The following ST3GAL1 variants were observed in gnomAD, a reference collection of about 807,000 sequenced individuals.
ST3GAL1 encodes the protein ST3 beta-galactoside alpha-2,3-sialyltransferase 1, also known as CMP-N-acetylneuraminate-beta-galactosamide-alpha-2,3-sialyltransferase 1.
A neutral mutation model predicts 34.1 loss-of-function variants in ST3GAL1; 16 were observed. The observed-to-expected ratio is 0.47, with a 90% CI of 0.32 to 0.71. The LOEUF (loss-of-function observed/expected upper bound fraction) is 0.71. Ranked by LOEUF, ST3GAL1 falls within the 30% of genes least tolerant of loss-of-function variation. The pLI, the probability that ST3GAL1 is intolerant of heterozygous loss-of-function variation, is 0.04. For missense variants in ST3GAL1, 353 were observed against 447.4 expected, an observed-to-expected ratio of 0.79 and a Z score of 1.90; for synonymous variants, 191 against 184.7, an observed-to-expected ratio of 1.03 and a Z score of -0.28.
chr8:133,502,065 T>G lies in ST3GAL1; in HGVS notation c.-428-2876A>C, dbSNP rs538527396. 2.8e-4 allele frequency among the ~76,000 whole-genome samples: 43 copies of G among 152,304 alleles called. 1 individual carries two copies. The highest frequency in any genetic ancestry group is 9.9e-4 in the African/African-American group (41 of 41,544). On this transcript the variant is annotated intron_variant, in intron 2 of 9. Transcript: ENST00000522652. ...ATCCATTTCCTGGTCACCTCATTTA[T>G]GCCAGGAATTGGGAGAGGTTGCCAA...
chr8:133,486,502 G>A (rs1218712697), intron 3 of ST3GAL1, among the ~76,000 whole-genome samples: 1 of 152,218 alleles, frequency 6.6e-6, no homozygotes, highest in Admixed American at 6.5e-5. Context: ...CCTGGGTCAG[G>A]AAGGATCAGC....
chr8:133,558,333 G>C (rs1586669506), intron 1 of ST3GAL1, among the ~76,000 whole-genome samples: 1 of 152,194 alleles, frequency 6.6e-6, no homozygotes, highest in East Asian at 1.9e-4. Context: ...CTCCTGGGAG[G>C]TAGGTACCAT....
intron 2 of ST3GAL1, among the ~76,000 whole-genome samples, chr8:133,520,958 T>C (rs1817787747): frequency 1.6e-5 from 1 of 62,116 alleles, no homozygotes; most frequent in East Asian, 5.3e-4. Context: ...TTGTGGGTTG[T>C]TTTTTTTTTT....
chr8:133,459,993 T>C lies in ST3GAL1; in HGVS notation c.850-56A>G, dbSNP rs527800160. On this transcript the variant is annotated intron_variant, in intron 9 of 9. Transcript: ENST00000522652. The surrounding 1 kb of genome is among the most constrained non-coding windows in gnomAD (Gnocchi z 4.7). ...ACAGCAGGGCTGCTGGTGGCACCTC[T>C]GAGAAAGGAAGCCTGTAGGCGTTCC... 6.7e-5 allele frequency: 103 copies of C among 1,540,710 alleles called. No homozygotes were observed. In the East Asian group the frequency reaches 2.4e-3, roughly 36 times the overall value.
At chr8:133,569,852 G>A (rs1430459224) in intron 1 of ST3GAL1, among the ~76,000 whole-genome samples, 1 of 152,344 alleles carries the variant, frequency 6.6e-6, no homozygotes, top group Non-Finnish European at 1.5e-5. Flanking sequence ...AAGAAAATCA[G>A]GAGGCTCCGC....
chr8:133,463,244 T>A (rs1198869680), intron 8 of ST3GAL1, among the ~76,000 whole-genome samples, 170 bp downstream of exon 8: 2 of 152,174 alleles, frequency 1.3e-5, no homozygotes, highest in Non-Finnish European at 2.9e-5. Context: ...ACTTTGAGAA[T>A]CTCTCCCAGT....
chr8:133,540,864 T>TAG (rs1166667253), intron 2 of ST3GAL1, among the ~76,000 whole-genome samples: 63 of 119,832 alleles, frequency 5.3e-4, no homozygotes, highest in South Asian at 3.4e-3. Context: ...GACATATATA[T>TAG]AGAGACATAT....
At chr8:133,490,996 C>T (rs1281382749) in intron 3 of ST3GAL1, among the ~76,000 whole-genome samples, 3 of 152,138 alleles carry the variant, frequency 2.0e-5, no homozygotes, top group Non-Finnish European at 4.4e-5. Flanking sequence ...GTTGGGAGAA[C>T]CCTTCGATGT....
At chr8:133,484,173 G>C (rs977832130) in intron 3 of ST3GAL1, among the ~76,000 whole-genome samples, 13 of 152,184 alleles carry the variant, frequency 8.5e-5, no homozygotes, top group Non-Finnish European at 1.8e-4. Context: ...GGGTCAGCCA[G>C]ATCTGGGTTT....
At chr8:133,545,335 C>T (rs534028902) in intron 2 of ST3GAL1, among the ~76,000 whole-genome samples, 8 of 152,322 alleles carry the variant, frequency 5.3e-5, no homozygotes, top group African/African-American at 7.2e-5. Context: ...CATGGTGGGG[C>T]GCCAGCAAAG....
intron 8 of ST3GAL1, 39 bp from the exon 9 acceptor site, chr8:133,462,033 G>C (rs758111033): frequency 2.5e-6 from 4 of 1,613,128 alleles, no homozygotes; most frequent in East Asian, 4.5e-5. Context: ...GTGAGTTCTG[G>C]GGGGCAAAGG....
intron 3 of ST3GAL1, among the ~76,000 whole-genome samples, chr8:133,486,528 A>T (rs1586607543): frequency 6.6e-6 from 1 of 152,170 alleles, no homozygotes; most frequent in African/African-American, 2.4e-5. Flanking sequence ...GGGGAGCCAG[A>T]CCCGTTTCCC....
intron 2 of ST3GAL1, among the ~76,000 whole-genome samples, chr8:133,509,953 G>A (rs1290861971): frequency 6.6e-6 from 1 of 151,972 alleles, no homozygotes; most frequent in Non-Finnish European, 1.5e-5. Flanking sequence ...CAGCTACTCG[G>A]GTGGCTGAGG....
intron 1 of ST3GAL1, among the ~76,000 whole-genome samples, chr8:133,569,789 G>A (rs1302931399): frequency 6.6e-6 from 1 of 152,216 alleles, no homozygotes; most frequent in Non-Finnish European, 1.5e-5. Flanking sequence ...GCCGGCAGGG[G>A]GCAGTGCACC....
chr8:133,505,437 T>G (rs1047486194), intron 2 of ST3GAL1, among the ~76,000 whole-genome samples: 2 of 152,196 alleles, frequency 1.3e-5, no homozygotes, highest in African/African-American at 4.8e-5. Flanking sequence ...TAAGGCTGCC[T>G]GCCGTGCTGG....
chr8:133,490,368 A>C (rs543549225), intron 3 of ST3GAL1, among the ~76,000 whole-genome samples: 1 of 152,346 alleles, frequency 6.6e-6, no homozygotes, highest in Non-Finnish European at 1.5e-5. Context: ...AGCTGGCGGC[A>C]TGCGTATCTT....
At chr8:133,464,637 GAA>G in intron 7 of ST3GAL1, 139 bp downstream of exon 7, 5 of 855,972 alleles carry the variant, frequency 5.8e-6, no homozygotes, top group Non-Finnish European at 8.9e-6. Context: ...GCGGCCACGG[GAA>G]CTGGGCTTGT....
In ST3GAL1 at chr8:133,459,793, T is replaced by A; in HGVS notation, c.994A>T (p.Asn332Tyr). ...CTCCCCTTGAAGATCCGGATTTTAT[T>A]GATGGAGGCCAAGGTGGCCGTCACG... Reference protein sequence around the residue: ...SNVTATLASINKIRIFKGR With the variant: ...SNVTATLASIYKIRIFKGR Residue 332 changes from asparagine to tyrosine, a missense_variant, in exon 10 of 10, where the codon AAT becomes TAT. Asn to Tyr is a moderately radical substitution (Grantham distance 143). Transcript: ENST00000522652. The surrounding 1 kb of genome is among the most constrained non-coding windows in gnomAD (Gnocchi z 4.7). 2 of 1,613,260 alleles carry A rather than the reference T, an allele frequency of 1.2e-6. No homozygotes were observed. The highest frequency in any genetic ancestry group is 2.2e-5 in the South Asian group (2 of 90,940).
chr8:133,485,056 C>G (rs759393768), intron 3 of ST3GAL1, among the ~76,000 whole-genome samples: 3 of 152,220 alleles, frequency 2.0e-5, no homozygotes, highest in Non-Finnish European at 4.4e-5. Flanking sequence ...TCAATCCTGC[C>G]TGCATTCGAG....
Sources: allele counts gnomAD v4.1 joint callset (sites outside exome capture counted in the v4.1 genomes callset), GRCh38; gene constraint gnomAD v4.1.1; non-coding constraint Gnocchi (gnomAD v3.1); transcripts MANE v1.5; gene names NCBI Gene and HGNC (gene_info 2026-07-23, HGNC 2026-07-21).